NAV3: variants seen among roughly 807,000 people sequenced by gnomAD.
The protein encoded by NAV3 is pore membrane and/or filament interacting like protein 1.
NAV3 carries 87 observed loss-of-function variants against 244.7 expected under a neutral mutation model. The ratio of observed to expected loss-of-function variants is 0.36; its 90% CI spans 0.30 to 0.42. The LOEUF is 0.42. Among genes scored for constraint, NAV3 ranks in the 20% least tolerant of loss-of-function variants. The pLI, the probability that NAV3 is intolerant of heterozygous loss-of-function variation, is 1.00. For missense variants in NAV3, 2,663 were observed against 2,893.3 expected, an observed-to-expected ratio of 0.92 and a Z score of 1.83; for synonymous variants, 1,126 against 1,042.2, an observed-to-expected ratio of 1.08 and a Z score of -1.55.
chr12:78,156,172 A>T (rs990642799), intron 22 of NAV3, among the ~76,000 whole-genome samples: 1 of 152,022 alleles, frequency 6.6e-6, no homozygotes, highest in Non-Finnish European at 1.5e-5. Context: ...TAATTTTTGT[A>T]TAAGGTATAA....
intron 22 of NAV3, among the ~76,000 whole-genome samples, chr12:78,149,703 G>C (rs937663070): frequency 6.6e-6 from 1 of 152,012 alleles, no homozygotes; most frequent in African/African-American, 2.4e-5. Flanking sequence ...GCTCAGTTCT[G>C]CTGCATAGCT....
intron 2 of NAV3, among the ~76,000 whole-genome samples, chr12:77,588,454 G>A (rs963940704): frequency 6.6e-6 from 1 of 152,088 alleles, no homozygotes; most frequent in African/African-American, 2.4e-5. Flanking sequence ...CCAGTAATAG[G>A]TTAGGAATAA....
intron 9 of NAV3, among the ~76,000 whole-genome samples, chr12:78,027,972 T>C (rs572682113): frequency 3.3e-5 from 5 of 152,100 alleles, no homozygotes; most frequent in Non-Finnish European, 7.3e-5. Flanking sequence ...TGTTTTGTTT[T>C]GTTTTTTTTA....
chr12:77,590,352 A>G (rs1484862757), intron 2 of NAV3, among the ~76,000 whole-genome samples: 1 of 152,210 alleles, frequency 6.6e-6, no homozygotes, highest in African/African-American at 2.4e-5. Flanking sequence ...AGCAGAAGGA[A>G]TGAAGTTAAG....
At chr12:78,078,418 C>G (rs1953169819) in intron 12 of NAV3, among the ~76,000 whole-genome samples, 1 of 87,690 alleles carries the variant, frequency 1.1e-5, no homozygotes, top group Non-Finnish European at 2.0e-5. Flanking sequence ...TTTTTTGAGA[C>G]GGAGTCTCGC....
chr12:77,862,454 C>T (rs1334291356), intron 1 of NAV3, among the ~76,000 whole-genome samples: 1 of 151,552 alleles, frequency 6.6e-6, no homozygotes, highest in Admixed American at 6.6e-5. Context: ...GTTGGAGGAT[C>T]ATCTATAACT....
At chr12:77,867,450 C>G (rs3934145) in intron 1 of NAV3, among the ~76,000 whole-genome samples, 2 of 151,934 alleles carry the variant, frequency 1.3e-5, no homozygotes, top group Non-Finnish European at 2.9e-5. Context: ...GACGGAGTCT[C>G]GCTCTGTCAC....
intron 2 of NAV3, among the ~76,000 whole-genome samples, chr12:77,637,363 C>T (rs909151336): frequency 1.3e-5 from 2 of 151,996 alleles, no homozygotes; most frequent in African/African-American, 4.8e-5. Flanking sequence ...GAAAATATCC[C>T]CATGATCAGG....
chr12:78,005,481 G>A (rs751500256), intron 7 of NAV3, among the ~76,000 whole-genome samples: 2 of 152,106 alleles, frequency 1.3e-5, no homozygotes, highest in African/African-American at 2.4e-5. Flanking sequence ...GAGCAGCAAC[G>A]GCATCATTCA....
chr12:77,816,236 C>A (rs183682994), intron 2 of NAV3, among the ~76,000 whole-genome samples: 39 of 152,260 alleles, frequency 2.6e-4, no homozygotes, highest in Admixed American at 2.4e-3. Flanking sequence ...ATGGATTAAT[C>A]CATAGTTTCA....
intron 2 of NAV3, among the ~76,000 whole-genome samples, chr12:77,631,936 C>T (rs922729679): frequency 1.4e-4 from 21 of 152,116 alleles, no homozygotes; most frequent in African/African-American, 3.6e-4. Context: ...TGCAGGCACC[C>T]GGAAATCATT....
intron 2 of NAV3, among the ~76,000 whole-genome samples, chr12:77,638,737 A>T (rs571767639): frequency 2.6e-5 from 4 of 152,346 alleles, no homozygotes; most frequent in African/African-American, 9.6e-5. Flanking sequence ...AAAATCAGTA[A>T]TATTTATAGT....
intron 18 of NAV3, among the ~76,000 whole-genome samples, chr12:78,134,544 T>A (rs1340274465): frequency 6.6e-6 from 1 of 152,172 alleles, no homozygotes; most frequent in East Asian, 1.9e-4. Flanking sequence ...ACTCACTAGT[T>A]AATGTCTAGC....
At chr12:77,955,394 G>A (rs373083532) in intron 3 of NAV3, among the ~76,000 whole-genome samples, 77 of 152,188 alleles carry the variant, frequency 5.1e-4, no homozygotes, top group African/African-American at 1.7e-3. Context: ...AAAATGTGGG[G>A]GTTAGGAACA....
intron 2 of NAV3, among the ~76,000 whole-genome samples, chr12:77,814,826 T>C (rs1278508551): frequency 6.6e-6 from 1 of 152,204 alleles, no homozygotes; most frequent in Admixed American, 6.5e-5. Context: ...AATACACTGC[T>C]GTTAATCAGT....
chr12:77,786,469 A>G lies in NAV3; in HGVS notation c.73-153850A>G, dbSNP rs142940134. On this transcript the variant is annotated intron_variant, in intron 2 of 8. Transcript: ENST00000550042. Reference sequence around the variant, plus strand: ...TGTCTTTGTAACACTAGGATAATTTAAAGGGAATGTTTTTGAAACATCATT... The same window carrying G: ...TGTCTTTGTAACACTAGGATAATTTGAAGGGAATGTTTTTGAAACATCATT... Among the ~76,000 whole-genome samples, 27 of 152,260 alleles carry G rather than the reference A, an allele frequency of 1.8e-4. No individual in the cohort carries two copies. In the East Asian group the frequency reaches 5.2e-3, roughly 29 times the overall value.
intron 24 of NAV3, among the ~76,000 whole-genome samples, chr12:78,169,626 T>G (rs1957921634): frequency 6.6e-6 from 1 of 151,758 alleles, no homozygotes; most frequent in African/African-American, 2.4e-5. Flanking sequence ...TTATCTCTCT[T>G]TTCATTTCCA....
chr12:78,020,773 A>G (rs1285618432), intron 8 of NAV3, among the ~76,000 whole-genome samples: 1 of 152,156 alleles, frequency 6.6e-6, no homozygotes, highest in Non-Finnish European at 1.5e-5. Context: ...TCATATATGA[A>G]CATTATTTGT....
At chr12:78,105,657 AT>A (rs1209960337) in intron 12 of NAV3, among the ~76,000 whole-genome samples, 1 of 152,012 alleles carries the variant, frequency 6.6e-6, no homozygotes, top group African/African-American at 2.4e-5. Context: ...TTTCTATCAC[AT>A]TTTAGCAAAC....
Sources: allele counts gnomAD v4.1 joint callset (sites outside exome capture counted in the v4.1 genomes callset), GRCh38; gene constraint gnomAD v4.1.1; transcripts MANE v1.5; gene names NCBI Gene and HGNC (gene_info 2026-07-23, HGNC 2026-07-21).